ZNF155: variants seen among roughly 807,000 people sequenced by gnomAD.
ZNF155 encodes KRAB A domain.
In ZNF155, 15 loss-of-function variants were observed where a neutral mutation model predicts 11.9. That is an observed-to-expected ratio of 1.26 (90% CI 0.84 to 1.94). The LOEUF (loss-of-function observed/expected upper bound fraction) is 1.94. ZNF155 is among the 30% of genes most tolerant of loss of function. The probability of loss-of-function intolerance (pLI) is 0.00; values close to 1 mark genes in which losing one functional copy is unlikely to be tolerated. For synonymous variants in ZNF155, 212 were observed against 219.9 expected (o/e 0.96, Z 0.32); for missense variants, 602 against 639.1 (o/e 0.94, Z 0.63).
chr19:43,993,755 A>G (rs1416425539), intron 4 of ZNF155, among the ~76,000 whole-genome samples: 2 of 152,186 alleles, frequency 1.3e-5, no homozygotes, highest in Non-Finnish European at 2.9e-5. Context: ...AAATATATCT[A>G]CGTACCACTG....
chr19:43,997,699 A>C lies in ZNF155; in HGVS notation c.*225A>C. ...CTCATCCCCACATAACACAAAAAGC[A>C]GCCTGGGGAAGACAATCAAGCTACA... On this transcript the variant is annotated 3_prime_UTR_variant, in exon 5 of 5. Transcript: ENST00000270014. The C allele has an allele frequency of 2.1e-6, 1 of 469,602 alleles. No homozygotes were observed. The highest frequency in any genetic ancestry group is 3.8e-5 in the East Asian group (1 of 26,202). The allele number at this position is 469,602 out of a possible 1,614,324, so 29.1% of individuals were successfully genotyped here.
chr19:43,997,620 T>A lies in ZNF155; in HGVS notation c.*146T>A. The A allele has an allele frequency of 1.2e-6, 1 of 820,006 alleles. No individual in the cohort carries two copies. The highest frequency in any genetic ancestry group is 1.8e-6 in the Non-Finnish European group (1 of 547,714). 50.8% of individuals were successfully genotyped at this position (820,006 alleles called of 1,614,324 possible). Reference sequence around the variant, plus strand: ...AATTCAAAATCCATTTGAGAGGAGTTGGTAGACAGCAAGGGAAGGGTCCCT... The same window carrying A: ...AATTCAAAATCCATTTGAGAGGAGTAGGTAGACAGCAAGGGAAGGGTCCCT... On this transcript the variant is annotated 3_prime_UTR_variant, in exon 5 of 5. Transcript: ENST00000270014.
chr19:43,984,797 C>T (rs544582087), intron 1 of ZNF155, among the ~76,000 whole-genome samples: 20 of 152,284 alleles, frequency 1.3e-4, no homozygotes, highest in African/African-American at 4.6e-4. Flanking sequence ...TGGAGCCCGG[C>T]AGGGCTCTGG....
At chr19:43,996,008 T>G in intron 4 of ZNF155, 85 bp from the exon 5 acceptor site, 1 of 1,463,996 alleles carries the variant, frequency 6.8e-7, no homozygotes, top group Non-Finnish European at 9.1e-7. Context: ...CATTAAAGTT[T>G]AATGTCATGT....
At chr19:43,988,120 C>G (rs538111489) in intron 1 of ZNF155, among the ~76,000 whole-genome samples, 2 of 152,296 alleles carry the variant, frequency 1.3e-5, no homozygotes, top group Non-Finnish European at 2.9e-5. Flanking sequence ...GACCCCATCT[C>G]TTAAAAAATA....
chr19:43,997,388 C>G lies in ZNF155; in HGVS notation c.1531C>G (p.Pro511Ala), dbSNP rs1162086551. 1 of 1,613,638 alleles carries G rather than the reference C, an allele frequency of 6.2e-7. No individual in the cohort carries two copies. The highest frequency in any genetic ancestry group is 1.7e-5 in the Admixed American group (1 of 59,988). Residue 511 changes from proline to alanine, a missense_variant, in exon 5 of 5, where the codon CCA (proline) becomes GCA (alanine). By Grantham distance (27) the Pro-to-Ala change is conservative. Transcript: ENST00000270014. ...DQPRDYSGEN[P>A]SKCEDCGRRY... ...GCCGAGAGACTATAGTGGGGAAAACCCATCCAAATGTGAGGATTGTGGGAG... is the reference window on the plus strand; with the variant it reads ...GCCGAGAGACTATAGTGGGGAAAACGCATCCAAATGTGAGGATTGTGGGAG...
At position 43,991,694 on chromosome 19, in the gene ZNF155, G is replaced by A; in HGVS notation, c.142+20G>A. The A allele has an allele frequency of 6.2e-7, 1 of 1,614,052 alleles. No individual in the cohort carries two copies. Among genetic ancestry groups the A allele is most frequent in the Non-Finnish European group, 8.5e-7 (1 of 1,179,986 alleles). ...CAGTGGGTGAGCACGGGCATCTTTT[G>A]TGTCTGAACATCAGGCCTCAGGAGT... is the stretch of plus-strand genomic sequence containing the variant. On this transcript the variant is annotated intron_variant, in intron 3 of 4. Transcript: ENST00000270014.
rs1438684234 is a variant in ZNF155, at chr19:43,996,681, T to C, written c.824T>C (p.Leu275Pro). ...CGKAFIHDSQ[L>P]KEHKRIHTGE... ...AAGGCCTTCATTCATGATTCCCAGCTTAAGGAACATAAGAGAATCCATACT... is the reference window on the plus strand; with the variant it reads ...AAGGCCTTCATTCATGATTCCCAGCCTAAGGAACATAAGAGAATCCATACT... Residue 275 changes from leucine (L) to proline (P), a missense_variant, in exon 5 of 5, where the codon CTT becomes CCT. Transcript: ENST00000270014. 2 of 1,614,156 alleles carry C rather than the reference T, an allele frequency of 1.2e-6. No homozygotes were observed. The highest frequency in any genetic ancestry group is 2.2e-5 in the South Asian group (2 of 91,078).
intron 4 of ZNF155, among the ~76,000 whole-genome samples, chr19:43,993,602 T>C (rs147834069): frequency 0.018 from 2,723 of 152,100 alleles, 55 homozygotes; most frequent in African/African-American, 0.053. Flanking sequence ...TTAGTAGAGA[T>C]GGGGTTTCAC....
In ZNF155 at chr19:43,996,067, C is replaced by T. The variant is rs536667954; in HGVS notation, c.236-26C>T. On this transcript the variant is annotated intron_variant, in intron 4 of 4. Coordinates refer to ENST00000270014, the MANE Select transcript of ZNF155 (RefSeq NM_198089.3). ...ACTGAATAAAGGCTTCACCTGTACA[C>T]ATCTCTTAAATCTGTGTCTTTATAG... 1.9e-6 allele frequency: 3 copies of T among 1,568,300 alleles called. No individual in the cohort carries two copies. The East Asian group carries it at 6.7e-5, about 35-fold the overall frequency.
chr19:43,991,436 TC>T (rs1197365810), intron 2 of ZNF155, 111 bp from the exon 3 acceptor site: 5 of 1,540,084 alleles, frequency 3.2e-6, no homozygotes, highest in Non-Finnish European at 4.4e-6. Flanking sequence ...TTGACCTACA[TC>T]CCTCAATACT....
chr19:43,987,389 A>G (rs1242958370), intron 1 of ZNF155, among the ~76,000 whole-genome samples: 1 of 152,204 alleles, frequency 6.6e-6, no homozygotes, highest in African/African-American at 2.4e-5. Flanking sequence ...GGTATTTTTA[A>G]AGAGTGTAGG....
chr19:43,992,547 T>G (rs998374066), intron 4 of ZNF155, among the ~76,000 whole-genome samples: 4 of 152,248 alleles, frequency 2.6e-5, no homozygotes, highest in African/African-American at 9.6e-5. Flanking sequence ...CCCTGGCTCT[T>G]GTTTCACGTC....
intron 4 of ZNF155, among the ~76,000 whole-genome samples, chr19:43,995,304 G>A (rs935846782): frequency 7.3e-5 from 11 of 151,534 alleles, no homozygotes; most frequent in Non-Finnish European, 1.3e-4. Flanking sequence ...CAGAGACGGG[G>A]TTTCAAGGCC....
chr19:43,997,294 C>T lies in ZNF155; in HGVS notation c.1437C>T (p.Cys479=). The change falls in exon 5 of 5, where the codon TGC becomes TGT. Residue 479 remains cysteine, a synonymous_variant. Coordinates refer to ENST00000270014, the MANE Select transcript of ZNF155 (RefSeq NM_198089.3). ...TTTTGAATCATAAGAGACTCCACTG[C>T]CAGAAAAAACCATTCAAATGTGAGG... The part of the protein sequence containing the change: ...SSILNHKRLH[C]QKKPFKCEDC... 1 of 1,613,892 alleles carries T rather than the reference C, an allele frequency of 6.2e-7. No homozygotes were observed. Among genetic ancestry groups the T allele is most frequent in the Non-Finnish European group, 8.5e-7 (1 of 1,179,968 alleles).
At chr19:43,988,296 T>C (rs950096940) in intron 1 of ZNF155, among the ~76,000 whole-genome samples, 163 bp from the exon 2 acceptor site, 4 of 152,208 alleles carry the variant, frequency 2.6e-5, no homozygotes, top group Non-Finnish European at 4.4e-5. Flanking sequence ...AAACATCCTT[T>C]AAATTTCCAA....
rs777840383 is a variant in ZNF155 at position 43,996,561 on chromosome 19, A to G, written c.704A>G (p.Glu235Gly). Reference protein sequence around the residue: ...VHTGEKPFKCEQCGKGFSRRS... With the variant: ...VHTGEKPFKCGQCGKGFSRRS... Reference sequence around the variant, plus strand: ...ACTGGAGAGAAACCATTCAAATGTGAGCAATGTGGGAAAGGTTTCAGTCGT... The same window carrying G: ...ACTGGAGAGAAACCATTCAAATGTGGGCAATGTGGGAAAGGTTTCAGTCGT... The change falls in exon 5 of 5, where the codon GAG (glutamate) becomes GGG (glycine). Residue 235 changes from glutamate to glycine, a missense_variant. Glu to Gly is a moderately conservative substitution (Grantham distance 98). Transcript: ENST00000270014. The G allele has an allele frequency of 6.2e-7, 1 of 1,614,060 alleles. No homozygotes were observed. The highest frequency in any genetic ancestry group is 1.3e-5 in the African/African-American group (1 of 74,918).
intron 2 of ZNF155, 38 bp downstream of exon 2, chr19:43,988,596 T>C (rs1975546312): frequency 6.3e-7 from 1 of 1,587,770 alleles, no homozygotes; most frequent in Non-Finnish European, 8.6e-7. Context: ...TAAAATTCCA[T>C]GTCACTACTC....
Position 43,996,384 on chromosome 19 carries a change from A to G in ZNF155, c.527A>G (p.Tyr176Cys). Residue 176 changes from tyrosine (Y) to cysteine (C), a missense_variant, in exon 5 of 5, where the codon TAT (tyrosine) becomes TGT (cysteine). Transcript: ENST00000270014. ...CAGTTATACTCAGAAGAGAAGTCTT[A>G]TACATGTGATGAGTGTGGAAAAAGC... ...PQQLYSEEKS[Y>C]TCDECGKSIC... is the part of the protein sequence containing the mutation. 1 of 1,614,216 alleles carries G rather than the reference A, an allele frequency of 6.2e-7. No individual in the cohort carries two copies. Among genetic ancestry groups the G allele is most frequent in the South Asian group, 1.1e-5 (1 of 91,084 alleles).
Sources: gnomAD v4.1 joint callset for allele counts (sites outside exome capture counted in the v4.1 genomes callset) on GRCh38, gnomAD v4.1.1 for gene constraint, MANE v1.5 for transcripts, NCBI Gene and HGNC (gene_info 2026-07-23, HGNC 2026-07-21) for gene names.